SLC24A3: variants seen among roughly 807,000 people sequenced by gnomAD.
The protein encoded by SLC24A3 is sodium/potassium/calcium exchanger 3.
Under a neutral mutation model 75.8 loss-of-function variants are expected in SLC24A3, and 28 were observed. The ratio of observed to expected loss-of-function variants is 0.37; its 90% CI spans 0.27 to 0.51. The LOEUF (loss-of-function observed/expected upper bound fraction) is 0.51. SLC24A3 is among the 20% of genes least tolerant of loss of function. The pLI, the probability that SLC24A3 is intolerant of heterozygous loss-of-function variation, is 0.94. For missense variants in SLC24A3, 663 were observed against 847.8 expected, an observed-to-expected ratio of 0.78 and a Z score of 2.71; for synonymous variants, 372 against 334.1, an observed-to-expected ratio of 1.11 and a Z score of -1.24.
chr20:19,614,863 C>A (rs2031716253), intron 6 of SLC24A3, among the ~76,000 whole-genome samples: 1 of 152,132 alleles, frequency 6.6e-6, no homozygotes, highest in Non-Finnish European at 1.5e-5. Flanking sequence ...GATGAATGAT[C>A]CACTGGGTTA....
intron 3 of SLC24A3, among the ~76,000 whole-genome samples, chr20:19,538,358 G>C (rs1196952465): frequency 1.3e-5 from 2 of 152,160 alleles, no homozygotes; most frequent in African/African-American, 4.8e-5. Flanking sequence ...TATAGATAGA[G>C]ATAGAGACAT....
intron 3 of SLC24A3, among the ~76,000 whole-genome samples, chr20:19,527,676 G>A (rs1157816998): frequency 6.6e-6 from 1 of 152,120 alleles, no homozygotes; most frequent in Non-Finnish European, 1.5e-5. Flanking sequence ...AAAGATCCAG[G>A]GACAGCAGAG....
intron 4 of SLC24A3, among the ~76,000 whole-genome samples, chr20:19,582,200 C>T (rs111637279): frequency 3.2e-4 from 48 of 152,350 alleles, no homozygotes; most frequent in African/African-American, 1.1e-3. Flanking sequence ...AGGATCATGA[C>T]GTGGGTCCAC....
intron 2 of SLC24A3, among the ~76,000 whole-genome samples, chr20:19,386,218 T>G (rs1047344853): frequency 6.6e-6 from 1 of 152,232 alleles, no homozygotes; most frequent in Non-Finnish European, 1.5e-5. Flanking sequence ...CTTTCTCAGA[T>G]AGTTTGTTGT....
At chr20:19,349,717 C>T (rs1421501503) in intron 2 of SLC24A3, among the ~76,000 whole-genome samples, 1 of 152,172 alleles carries the variant, frequency 6.6e-6, no homozygotes, top group Non-Finnish European at 1.5e-5. Context: ...TTTGTTGACT[C>T]CTTTGTTGGC....
Position 19,655,802 on chromosome 20 carries a change from C to T in SLC24A3, c.687+1666C>T, listed in dbSNP as rs11908106. 9.3e-3 allele frequency among the ~76,000 whole-genome samples: 1,420 copies of T among 152,218 alleles called. 21 individuals are homozygous for T. The highest frequency in any genetic ancestry group is 0.031 in the African/African-American group (1,304 of 41,524). ...TTGGCTTCCCTGGTTCTCAGGCCTTCGGGCTTAAACTTGCACCACACCACA... is the reference window on the plus strand; with the variant it reads ...TTGGCTTCCCTGGTTCTCAGGCCTTTGGGCTTAAACTTGCACCACACCACA... On this transcript the variant is annotated intron_variant, in intron 7 of 16. Coordinates refer to ENST00000328041, the MANE Select transcript of SLC24A3 (RefSeq NM_020689.4).
At chr20:19,382,982 G>A (rs374634982) in intron 2 of SLC24A3, among the ~76,000 whole-genome samples, 1 of 152,140 alleles carries the variant, frequency 6.6e-6, no homozygotes, top group African/African-American at 2.4e-5. Flanking sequence ...TTTGACAGAG[G>A]CTTCTGTTTA....
chr20:19,612,607 A>ATGTGT (rs144660193), intron 6 of SLC24A3, among the ~76,000 whole-genome samples: 1 of 146,832 alleles, frequency 6.8e-6, no homozygotes, highest in Non-Finnish European at 1.5e-5. Flanking sequence ...CCTTAAGAAA[A>ATGTGT]GTGTGTGTGT....
At chr20:19,328,200 G>A (rs145947383) in intron 2 of SLC24A3, among the ~76,000 whole-genome samples, 1,738 of 152,112 alleles carry the variant, frequency 0.011, 17 homozygotes, top group South Asian at 0.017. Flanking sequence ...GAGGGTCAGT[G>A]TGGCTGGAGC....
intron 2 of SLC24A3, among the ~76,000 whole-genome samples, chr20:19,454,451 C>T (rs984165889): frequency 7.2e-5 from 11 of 152,258 alleles, no homozygotes; most frequent in Middle Eastern, 6.8e-3. Flanking sequence ...CATTTTAGGC[C>T]AGACTGTGCT....
chr20:19,674,801 T>G (rs917240560), intron 9 of SLC24A3, among the ~76,000 whole-genome samples: 1 of 152,124 alleles, frequency 6.6e-6, no homozygotes, highest in East Asian at 1.9e-4. Context: ...GCCTGTAATC[T>G]CAGCACTTTG....
rs529953254 is a variant in SLC24A3, at chr20:19,542,387, C to G, written c.348+26823C>G. ...GAATGCAAACCTCAGGGCAGGGCTGCTGCATCAGGGTGGTAAATTGACTGG... is the reference window on the plus strand; with the variant it reads ...GAATGCAAACCTCAGGGCAGGGCTGGTGCATCAGGGTGGTAAATTGACTGG... On this transcript the variant is annotated intron_variant, in intron 3 of 16. Transcript: ENST00000328041. Among the ~76,000 whole-genome samples the G allele has an allele frequency of 3.2e-4, 49 of 152,316 alleles. No homozygotes were observed. The Middle Eastern group carries it at 0.024, about 74-fold the overall frequency.
At position 19,537,796 on chromosome 20, in the gene SLC24A3, C is replaced by A. The variant is rs1488815921; in HGVS notation, c.348+22232C>A. Among the ~76,000 whole-genome samples the A allele has an allele frequency of 2.7e-5, 4 of 148,912 alleles. No homozygotes were observed. In the East Asian group the frequency reaches 6.0e-4, roughly 22 times the overall value. On this transcript the variant is annotated intron_variant, in intron 3 of 16. Coordinates refer to ENST00000328041, the MANE Select transcript of SLC24A3 (RefSeq NM_020689.4). ...TGCAAGGACAAAAAACCAAACACTG[C>A]ATGTTCTCACTCATAGGTGGGAATT...
At chr20:19,419,323 C>A (rs1391422252) in intron 2 of SLC24A3, among the ~76,000 whole-genome samples, 2 of 151,960 alleles carry the variant, frequency 1.3e-5, no homozygotes, top group African/African-American at 2.4e-5. Context: ...TATTGCCAAA[C>A]CCCCTCTCCT....
At chr20:19,384,202 ACT>A (rs1215928215) in intron 2 of SLC24A3, among the ~76,000 whole-genome samples, 2 of 152,156 alleles carry the variant, frequency 1.3e-5, no homozygotes, top group Admixed American at 1.3e-4. Flanking sequence ...TTTAACAGCT[ACT>A]CTCTTATCAA....
chr20:19,496,957 G>A (rs1600253690), intron 2 of SLC24A3, among the ~76,000 whole-genome samples: 1 of 152,286 alleles, frequency 6.6e-6, no homozygotes, highest in African/African-American at 2.4e-5. Flanking sequence ...TGTAAGCTGA[G>A]CTCTTTTGCA....
intron 2 of SLC24A3, among the ~76,000 whole-genome samples, chr20:19,408,780 A>G (rs1297355300): frequency 6.6e-6 from 1 of 152,190 alleles, no homozygotes; most frequent in Admixed American, 6.5e-5. Context: ...GAAGCAAAAT[A>G]CTGGTCAAAG....
chr20:19,590,599 A>G (rs1600293133), intron 6 of SLC24A3, among the ~76,000 whole-genome samples: 1 of 152,216 alleles, frequency 6.6e-6, no homozygotes, highest in Non-Finnish European at 1.5e-5. Flanking sequence ...AGAAGGCCTC[A>G]TCCAGGAGCC....
chr20:19,277,138 A>G (rs1422942329), intron 1 of SLC24A3, among the ~76,000 whole-genome samples: 1 of 152,216 alleles, frequency 6.6e-6, no homozygotes, highest in Non-Finnish European at 1.5e-5. Context: ...TCTACCAAGA[A>G]TTTGTCCTTT....
Sources: allele counts gnomAD v4.1 joint callset (sites outside exome capture counted in the v4.1 genomes callset), GRCh38; gene constraint gnomAD v4.1.1; transcripts MANE v1.5; gene names NCBI Gene and HGNC (gene_info 2026-07-23, HGNC 2026-07-21).